IGF1R: variants seen among roughly 807,000 people sequenced by gnomAD.
The protein encoded by IGF1R is insulin like growth factor 1 receptor, also known as insulin-like growth factor 1 receptor.
Under a neutral mutation model 144.6 loss-of-function variants are expected in IGF1R, and 44 were observed. That is an observed-to-expected ratio of 0.30 (90% confidence interval 0.24 to 0.39). IGF1R has a LOEUF of 0.39. Among genes scored for constraint, IGF1R ranks in the 10% least tolerant of loss-of-function variants. IGF1R has a pLI of 1.00. For synonymous variants in IGF1R, 795 were observed against 722.8 expected, an observed-to-expected ratio of 1.10 and a Z score of -1.60; for missense variants, 1,355 against 1,833.7, an observed-to-expected ratio of 0.74 and a Z score of 4.77.
rs1313717682 is a variant in IGF1R, at chr15:98,891,380, C to T, written c.696C>T (p.His232=). Residue 232 remains histidine (H), a synonymous_variant, in exon 3 of 21, where the codon CAC becomes CAT. Coordinates refer to ENST00000650285, the MANE Select transcript of IGF1R (RefSeq NM_000875.5). The surrounding 1 kb of genome is among the most constrained non-coding windows in gnomAD (Gnocchi z 4.7). The part of the protein sequence containing the change: ...RACTENNECC[H]PECLGSCSAP... Reference sequence around the variant, plus strand: ...GCACCGAGAACAATGAGTGCTGCCACCCCGAGTGCCTGGGCAGCTGCAGCG... The same window carrying T: ...GCACCGAGAACAATGAGTGCTGCCATCCCGAGTGCCTGGGCAGCTGCAGCG... The T allele has an allele frequency of 3.1e-6, 5 of 1,611,648 alleles. No individual in the cohort carries two copies. The African/African-American group carries it at 6.7e-5, about 22-fold the overall frequency.
intron 2 of IGF1R, among the ~76,000 whole-genome samples, chr15:98,716,165 T>C (rs956640408): frequency 3.3e-5 from 5 of 152,162 alleles, no homozygotes; most frequent in African/African-American, 1.2e-4. Context: ...TTCCATTTCC[T>C]TTCTTTGAAC....
intron 1 of IGF1R, among the ~76,000 whole-genome samples, chr15:98,651,402 C>G (rs1408328915): frequency 6.6e-6 from 1 of 152,208 alleles, no homozygotes; most frequent in Non-Finnish European, 1.5e-5. Flanking sequence ...GGGCGAAAGC[C>G]TTCCGGCTCC....
chr15:98,780,549 CAAAAAAAAAAAAA>C (rs1192949160), intron 2 of IGF1R, among the ~76,000 whole-genome samples: 8 of 24,018 alleles, frequency 3.3e-4, no homozygotes, highest in African/African-American at 5.5e-4. Context: ...AACTCTGTCT[CAAAAAAAAAAAAA>C]AAAAAAAAAA....
rs142919213 is a variant in IGF1R at position 98,927,280 on chromosome 15, A to C, written c.2783-2278A>C. ...CTCTGTCCTGCTACAGTTTAGTCTC[A>C]TTTCCTCTTATTTAATCCTCAGAGG... On this transcript the variant is annotated intron_variant, in intron 13 of 20. Coordinates refer to ENST00000650285, the MANE Select transcript of IGF1R (RefSeq NM_000875.5). 3.4e-3 allele frequency among the ~76,000 whole-genome samples: 518 copies of C among 152,322 alleles called. 3 individuals carry two copies. Among genetic ancestry groups the C allele is most frequent in the African/African-American group, 0.012 (480 of 41,572 alleles).
Position 98,909,254 on chromosome 15 carries a change from T to TC in IGF1R, c.1462+355_1462+356insC, listed in dbSNP as rs2014882908. ...TCTTTTTTCTTTTCTTTTTTTTCTTTTTTTTTCTTTTTTTTTTTTTTTTTT... is the reference window on the plus strand; with the variant it reads ...TCTTTTTTCTTTTCTTTTTTTTCTTTCTTTTTTCTTTTTTTTTTTTTTTTTT... On this transcript the variant is annotated intron_variant, in intron 6 of 20. Coordinates refer to ENST00000650285, the MANE Select transcript of IGF1R (RefSeq NM_000875.5). 2.5e-5 allele frequency among the ~76,000 whole-genome samples: 3 copies of TC among 118,558 alleles called. No homozygotes were observed. The South Asian group carries it at 7.7e-4, about 30-fold the overall frequency. The allele number at this position is 118,558 out of a possible 152,430, so 77.8% of individuals were successfully genotyped here.
chr15:98,865,702 C>T (rs2012399318), intron 2 of IGF1R, among the ~76,000 whole-genome samples: 2 of 152,180 alleles, frequency 1.3e-5, no homozygotes, highest in South Asian at 4.1e-4. Context: ...TGGTCCAAAC[C>T]TCAATTTCCC....
chr15:98,957,588 C>A lies in IGF1R; in HGVS notation c.*146C>A. 1 of 964,810 alleles carries A rather than the reference C, an allele frequency of 1.0e-6. No individual in the cohort carries two copies. The highest frequency in any genetic ancestry group is 1.6e-6 in the Non-Finnish European group (1 of 629,560). The allele number at this position is 964,810 out of a possible 1,614,324, so 59.8% of individuals were successfully genotyped here. A position where few individuals can be genotyped will look rare whatever the true frequency, so the allele number is the denominator to read the frequency against. ...TGCCCTTGCTGCCCGCGGGAGACAG[C>A]TTCTCTGCAGTAAAACACATTTGGG... On this transcript the variant is annotated 3_prime_UTR_variant, in exon 21 of 21. Coordinates refer to ENST00000650285, the MANE Select transcript of IGF1R (RefSeq NM_000875.5).
intron 9 of IGF1R, chr15:98,916,447 A>G: frequency 1.7e-6 from 1 of 584,450 alleles, no homozygotes; most frequent in Non-Finnish European, 3.0e-6. Context: ...TTTTTAGTAG[A>G]GACGGGGTTT....
At chr15:98,654,665 A>T (rs2052444805) in intron 1 of IGF1R, among the ~76,000 whole-genome samples, 1 of 152,074 alleles carries the variant, frequency 6.6e-6, no homozygotes, top group Non-Finnish European at 1.5e-5. Context: ...TTCATGGAAG[A>T]GGTATTTGCG....
At chr15:98,710,055 C>T (rs2053957084) in intron 2 of IGF1R, among the ~76,000 whole-genome samples, 1 of 152,086 alleles carries the variant, frequency 6.6e-6, no homozygotes, top group African/African-American at 2.4e-5. Context: ...TGGGGTAAAG[C>T]CTGCCTTCCT....
chr15:98,862,086 G>A (rs1209777527), intron 2 of IGF1R, among the ~76,000 whole-genome samples: 2 of 152,196 alleles, frequency 1.3e-5, no homozygotes, highest in Non-Finnish European at 2.9e-5. Context: ...ACATAGTGGT[G>A]GATCAGGAAA....
intron 8 of IGF1R, 103 bp from the exon 9 acceptor site, chr15:98,915,861 T>C: frequency 2.0e-6 from 2 of 1,005,514 alleles, no homozygotes; most frequent in South Asian, 1.3e-5. Flanking sequence ...TATTTTCTTA[T>C]CCAGGTCAAA....
rs531072121 is a variant in IGF1R, at chr15:98,891,198, T to C, written c.641-127T>C. The C allele has an allele frequency of 1.3e-5, 11 of 844,528 alleles. No individual in the cohort carries two copies. Among genetic ancestry groups the C allele is most frequent in the Non-Finnish European group, 2.1e-5 (11 of 516,484 alleles). 52.3% of individuals were successfully genotyped at this position (844,528 alleles called of 1,614,324 possible). A position where few individuals can be genotyped will look rare whatever the true frequency, so the allele number is the denominator to read the frequency against. On this transcript the variant is annotated intron_variant, in intron 2 of 20. Coordinates refer to ENST00000650285, the MANE Select transcript of IGF1R (RefSeq NM_000875.5). The surrounding 1 kb of genome is among the most constrained non-coding windows in gnomAD (Gnocchi z 4.7). ...AGGATTTCGTAGTGTGTTTTTGCAT[T>C]GTCTCCTCAATGAGTGATCTGGTGC...
intron 15 of IGF1R, among the ~76,000 whole-genome samples, chr15:98,933,006 A>G (rs2151705756): frequency 6.6e-6 from 1 of 152,352 alleles, no homozygotes; most frequent in South Asian, 2.1e-4. Flanking sequence ...TCTCACATCC[A>G]GCCACAGGCC....
At chr15:98,733,564 G>C (rs1312471062) in intron 2 of IGF1R, among the ~76,000 whole-genome samples, 2 of 151,352 alleles carry the variant, frequency 1.3e-5, no homozygotes, top group Non-Finnish European at 2.9e-5. Context: ...TTCCCTCTCC[G>C]AGGAGCCTCC....
chr15:98,833,556 T>C (rs1332751948), intron 2 of IGF1R, among the ~76,000 whole-genome samples: 1 of 152,184 alleles, frequency 6.6e-6, no homozygotes, highest in Admixed American at 6.5e-5. Context: ...GTCTAAAAAT[T>C]TCCAGAGATT....
At chr15:98,944,991 G>T (rs1682561734) in intron 19 of IGF1R, among the ~76,000 whole-genome samples, 1 of 152,234 alleles carries the variant, frequency 6.6e-6, no homozygotes, top group Admixed American at 6.5e-5. Flanking sequence ...GTTCTAGCCA[G>T]AACACCTCCA....
At chr15:98,662,217 G>C (rs920926889) in intron 1 of IGF1R, among the ~76,000 whole-genome samples, 64 of 151,830 alleles carry the variant, frequency 4.2e-4, no homozygotes, top group African/African-American at 1.5e-3. Context: ...CTGGCCTCAA[G>C]CAATCCACCG....
At chr15:98,868,789 G>A (rs931668463) in intron 2 of IGF1R, among the ~76,000 whole-genome samples, 1 of 152,180 alleles carries the variant, frequency 6.6e-6, no homozygotes, top group Non-Finnish European at 1.5e-5. Context: ...CTTAGCACGG[G>A]TAGCAGTGAG....
Sources: allele counts gnomAD v4.1 joint callset (sites outside exome capture counted in the v4.1 genomes callset), GRCh38; gene constraint gnomAD v4.1.1; non-coding constraint Gnocchi (gnomAD v3.1); transcripts MANE v1.5; gene names NCBI Gene and HGNC (gene_info 2026-07-23, HGNC 2026-07-21).